Variants in TLL2 observed in about 807,000 individuals in gnomAD.
TLL2 encodes tolloid-like protein 2.
A neutral mutation model predicts 123.0 loss-of-function variants in TLL2; 106 were observed. The observed-to-expected ratio is 0.86, with a 90% confidence interval of 0.74 to 1.01. The LOEUF (loss-of-function observed/expected upper bound fraction) is 1.01, where lower values mean the gene tolerates loss of function less well. Ranked by LOEUF, TLL2 falls within the 50% of genes least tolerant of loss-of-function variation. The pLI is 0.00. For missense variants in TLL2, 1,332 were observed against 1,336.7 expected (o/e 1.00, Z 0.06); for synonymous variants, 494 against 516.8 (o/e 0.96, Z 0.60).
rs923903833 is a variant in TLL2, at chr10:96,471,284, C to T, written c.286+9065G>A. On this transcript the variant is annotated intron_variant, in intron 2 of 20. Transcript: ENST00000357947. Reference sequence around the variant, plus strand: ...CCTCCTAAAGTGCTGGGATTACAGGCGTGAGCCACCGCACCCGGCCACTTG... The same window carrying T: ...CCTCCTAAAGTGCTGGGATTACAGGTGTGAGCCACCGCACCCGGCCACTTG... Among the ~76,000 whole-genome samples the T allele has an allele frequency of 9.9e-5, 15 of 152,282 alleles. No homozygotes were observed. In the South Asian group the frequency reaches 1.2e-3, roughly 13 times the overall value.
At chr10:96,379,676 G>T (rs1420704592) in intron 16 of TLL2, among the ~76,000 whole-genome samples, 1 of 152,276 alleles carries the variant, frequency 6.6e-6, no homozygotes, top group African/African-American at 2.4e-5. Flanking sequence ...ACAAAAATTA[G>T]CCAGGCGTGG....
chr10:96,476,240 A>ATATATATATATATATATTCTTTTTTTTTT, intron 2 of TLL2, among the ~76,000 whole-genome samples: 1 of 20,502 alleles, frequency 4.9e-5, no homozygotes, highest in African/African-American at 1.7e-4. Flanking sequence ...ATATATATAT[A>ATATATATATATATATATTCTTTTTTTTTT]TTTTATTTTT....
chr10:96,392,652 G>A (rs1465405799), intron 13 of TLL2, among the ~76,000 whole-genome samples: 1 of 152,168 alleles, frequency 6.6e-6, no homozygotes, highest in African/African-American at 2.4e-5. Context: ...AGGCCAAGGG[G>A]ACTGGAATAA....
rs115402405 is a variant in TLL2 at position 96,472,800 on chromosome 10, G to A, written c.286+7549C>T. 1.7e-3 allele frequency among the ~76,000 whole-genome samples: 254 copies of A among 152,176 alleles called. 1 individual carries two copies. The highest frequency in any genetic ancestry group is 6.0e-3 in the African/African-American group (250 of 41,544). ...AGCTTCAAAGTTAAAAATATGCTGG[G>A]AACAGAAACATGTTGGATCTCTTTT... On this transcript the variant is annotated intron_variant, in intron 2 of 20. Transcript: ENST00000357947.
rs557684899 is a variant in TLL2, at chr10:96,395,887, G to A, written c.1518C>T (p.Phe506=). ...VSEGFHVGLT[F]QAFEIERHDS... is the part of the protein sequence containing the mutation. ...GAGCAGCACTCACCTCAAAAGCTTG[G>A]AAGGTAAGTCCCACGTGAAACCCCT... Residue 506 remains phenylalanine (F), a synonymous_variant, in exon 12 of 21, where the codon TTC becomes TTT. Coordinates refer to ENST00000357947, the MANE Select transcript of TLL2 (RefSeq NM_012465.4). 2 of 1,614,216 alleles carry A rather than the reference G, an allele frequency of 1.2e-6. No homozygotes were observed. The highest frequency in any genetic ancestry group is 3.3e-5 in the Admixed American group (2 of 60,028).
chr10:96,425,086 T>G (rs1239757151), intron 5 of TLL2, among the ~76,000 whole-genome samples: 1 of 151,982 alleles, frequency 6.6e-6, no homozygotes, highest in Non-Finnish European at 1.5e-5. Context: ...TTTCTCCCAC[T>G]CATTTAAAAT....
intron 2 of TLL2, among the ~76,000 whole-genome samples, chr10:96,473,607 A>G (rs547805930): frequency 6.6e-6 from 1 of 152,278 alleles, no homozygotes; most frequent in African/African-American, 2.4e-5. Flanking sequence ...GGAAGTGAGG[A>G]TTTAGAGCAA....
chr10:96,443,483 T>C (rs1432337005), intron 3 of TLL2, among the ~76,000 whole-genome samples: 1 of 152,124 alleles, frequency 6.6e-6, no homozygotes, highest in Non-Finnish European at 1.5e-5. Flanking sequence ...TTTTGGACCT[T>C]CCAGCCCAGT....
intron 1 of TLL2, among the ~76,000 whole-genome samples, chr10:96,484,029 A>G (rs1847335670): frequency 6.6e-6 from 1 of 152,192 alleles, no homozygotes; most frequent in Non-Finnish European, 1.5e-5. Flanking sequence ...TTTTTAGTAG[A>G]GATGGGGTTT....
chr10:96,417,725 A>C (rs1307398656), intron 7 of TLL2, among the ~76,000 whole-genome samples: 1 of 152,178 alleles, frequency 6.6e-6, no homozygotes, highest in Non-Finnish European at 1.5e-5. Context: ...AGGAGAACCA[A>C]GGGGCTCCCA....
chr10:96,507,305 G>A (rs1340738166), intron 1 of TLL2, among the ~76,000 whole-genome samples: 1 of 150,452 alleles, frequency 6.6e-6, no homozygotes, highest in Non-Finnish European at 1.5e-5. Context: ...CCTCCCCCCA[G>A]CTCTGCCCCT....
intron 1 of TLL2, among the ~76,000 whole-genome samples, chr10:96,504,428 G>A (rs1847560138): frequency 6.6e-6 from 1 of 151,998 alleles, no homozygotes; most frequent in Non-Finnish European, 1.5e-5. Flanking sequence ...TGGCTGATAT[G>A]GCGAAACTCC....
chr10:96,513,491 TC>T lies in TLL2; in HGVS notation c.175+19del, dbSNP rs1395010797. 6.2e-7 allele frequency: 1 copy of T among 1,611,476 alleles called. No individual in the cohort carries two copies. Among genetic ancestry groups the T allele is most frequent in the Non-Finnish European group, 8.5e-7 (1 of 1,179,400 alleles). The stretch of plus-strand genomic sequence containing the variant: ...TTCAAAGGCAAACTTCTGCGGGACT[TC>T]CCCAGCGGCGGCACCTACCGGCTTT... On this transcript the variant is annotated intron_variant, in intron 1 of 20. Transcript: ENST00000357947.
In TLL2 at chr10:96,395,987, C is replaced by G. The variant is rs1042524540; in HGVS notation, c.1418G>C (p.Gly473Ala). The G allele has an allele frequency of 6.2e-7, 1 of 1,614,166 alleles. No homozygotes were observed. The highest frequency in any genetic ancestry group is 1.6e-4 in the Middle Eastern group (1 of 6,062). Residue 473 changes from glycine (G) to alanine (A), a missense_variant, in exon 12 of 21, where the codon GGT (glycine) becomes GCT (alanine). Gly to Ala is a moderately conservative substitution (Grantham distance 60). Transcript: ENST00000357947. ...TCGGDMNKDA[G>A]QIQSPNYPDD... ...CGGATAGTTGGGAGATTGAATCTGACCGGCATCTTTGTTCATGTCTCCCCC... is the reference window on the plus strand; with the variant it reads ...CGGATAGTTGGGAGATTGAATCTGAGCGGCATCTTTGTTCATGTCTCCCCC...
chr10:96,425,232 T>C (rs1256013514), intron 5 of TLL2, among the ~76,000 whole-genome samples: 2 of 151,584 alleles, frequency 1.3e-5, no homozygotes, highest in African/African-American at 4.8e-5. Context: ...GTTAGACCAT[T>C]AGATAGCTAC....
At chr10:96,403,434 C>T (rs1376432716) in intron 10 of TLL2, among the ~76,000 whole-genome samples, 1 of 152,212 alleles carries the variant, frequency 6.6e-6, no homozygotes, top group Non-Finnish European at 1.5e-5. Context: ...TTTGACCCAA[C>T]CTGGAGCTCA....
Position 96,397,199 on chromosome 10 carries a change from A to T in TLL2, c.1371T>A (p.Phe457Leu). The T allele has an allele frequency of 1.2e-6, 2 of 1,613,802 alleles. No homozygotes were observed. The highest frequency in any genetic ancestry group is 1.7e-6 in the Non-Finnish European group (2 of 1,179,806). Residue 457 changes from phenylalanine (F) to leucine (L), a missense_variant, in exon 11 of 21, where the codon TTT becomes TTA. Transcript: ENST00000357947. ...CCTCGCACAAACCTTCGTACGCTGCAAAGAAGCCCTTGCCCAAGATGTTGC... is the reference window on the plus strand; with the variant it reads ...CCTCGCACAAACCTTCGTACGCTGCTAAGAAGCCCTTGCCCAAGATGTTGC... ...SSSNILGKGF[F>L]AAYEATCGGD...
Position 96,376,686 on chromosome 10 carries a change from ACT to A in TLL2, c.2448+4_2448+5del. ...ACATTCTCAATAAACTACAAAAATG[ACT>A]CACGAGTTTCACTCTGTGGCCTGCA... On this transcript the variant is annotated splice_donor_5th_base_variant and intron_variant, in intron 18 of 20. Coordinates refer to ENST00000357947, the MANE Select transcript of TLL2 (RefSeq NM_012465.4). 1 of 1,608,988 alleles carries A rather than the reference ACT, an allele frequency of 6.2e-7. No individual in the cohort carries two copies. The highest frequency in any genetic ancestry group is 8.5e-7 in the Non-Finnish European group (1 of 1,177,874).
At chr10:96,495,007 T>TA (rs1382379351) in intron 1 of TLL2, among the ~76,000 whole-genome samples, 3 of 152,202 alleles carry the variant, frequency 2.0e-5, no homozygotes, top group Admixed American at 6.5e-5. Context: ...TCACTGACCT[T>TA]ACGTTTGATT....
Sources: allele counts gnomAD v4.1 joint callset (sites outside exome capture counted in the v4.1 genomes callset), GRCh38; gene constraint gnomAD v4.1.1; transcripts MANE v1.5; gene names NCBI Gene and HGNC (gene_info 2026-07-23, HGNC 2026-07-21).